JPT2: variants seen among roughly 807,000 people sequenced by gnomAD.
JPT2 encodes the protein Jupiter microtubule associated homolog 2, also known as CRAMP_1 like.
In JPT2, 9 loss-of-function variants were observed where a neutral mutation model predicts 15.9. That is an observed-to-expected ratio of 0.57 (90% CI 0.34 to 0.99). JPT2 has a LOEUF of 0.99. JPT2 is among the 50% of genes least tolerant of loss of function. The pLI is 0.02. For synonymous variants in JPT2, 95 were observed against 91.7 expected (o/e 1.04, Z -0.21); for missense variants, 267 against 252.1 (o/e 1.06, Z -0.40).
At chr16:1,683,838 A>G (rs1448484331) in intron 1 of JPT2, among the ~76,000 whole-genome samples, 3 of 152,124 alleles carry the variant, frequency 2.0e-5, no homozygotes, top group Admixed American at 2.0e-4. Context: ...ACCTCATATC[A>G]TAGTTTTTGT....
In JPT2 at chr16:1,699,513, T is replaced by C. The variant is rs1198413346; in HGVS notation, c.*515T>C. 1 of 322,162 alleles carries C rather than the reference T, an allele frequency of 3.1e-6. No individual in the cohort carries two copies. Among genetic ancestry groups the C allele is most frequent in the Non-Finnish European group, 6.2e-6 (1 of 161,184 alleles). 20.0% of individuals were successfully genotyped at this position (322,162 alleles called of 1,614,324 possible). A position where few individuals can be genotyped will look rare whatever the true frequency, so the allele number is the denominator to read the frequency against. On this transcript the variant is annotated 3_prime_UTR_variant, in exon 5 of 5. Coordinates refer to ENST00000248098, the MANE Select transcript of JPT2 (RefSeq NM_144570.3). ...CCCAGCATATTGTTCTGTAGTCTTT[T>C]CTTGAAACATCTTGATTGCTTTTCC...
intron 1 of JPT2, among the ~76,000 whole-genome samples, chr16:1,682,848 C>T (rs543167152): frequency 2.6e-5 from 4 of 152,194 alleles, no homozygotes; most frequent in East Asian, 3.9e-4. Context: ...CTCACTCTTT[C>T]GTCCAGGCTG....
chr16:1,690,727 C>G (rs147022015), intron 2 of JPT2, among the ~76,000 whole-genome samples: 3 of 152,324 alleles, frequency 2.0e-5, no homozygotes, highest in Non-Finnish European at 4.4e-5. Context: ...GAACACTTCC[C>G]CTTTTACATG....
chr16:1,691,281 C>T (rs768454629), intron 2 of JPT2, among the ~76,000 whole-genome samples: 1 of 152,144 alleles, frequency 6.6e-6, no homozygotes, highest in Non-Finnish European at 1.5e-5. Flanking sequence ...TATCAAGTCA[C>T]TTATAGTTGG....
chr16:1,692,730 T>G (rs2142227553), intron 3 of JPT2, among the ~76,000 whole-genome samples: 1 of 152,374 alleles, frequency 6.6e-6, no homozygotes, highest in African/African-American at 2.4e-5. Flanking sequence ...AGACCAGGAT[T>G]TATTACTAAC....
chr16:1,697,873 T>A lies in JPT2; in HGVS notation c.385+13T>A. On this transcript the variant is annotated intron_variant, in intron 4 of 4. Transcript: ENST00000248098. ...TCGGATCTTAAAGGTGAGCTTTTGT[T>A]TTCTTTCCCTTCTCCTGAGTGGCCT... 6.2e-7 allele frequency: 1 copy of A among 1,612,036 alleles called. No homozygotes were observed. Among genetic ancestry groups the A allele is most frequent in the Non-Finnish European group, 8.5e-7 (1 of 1,178,244 alleles).
chr16:1,688,878 CAT>C (rs2037085764), intron 2 of JPT2: 1 of 152,152 alleles, frequency 6.6e-6, no homozygotes, highest in Admixed American at 6.5e-5. Flanking sequence ...TGGTAATAGA[CAT>C]ATGTGGTATG....
At chr16:1,696,300 C>T (rs575122221) in intron 3 of JPT2, among the ~76,000 whole-genome samples, 1 of 152,048 alleles carries the variant, frequency 6.6e-6, no homozygotes, top group Non-Finnish European at 1.5e-5. Flanking sequence ...ATTTGGGAGG[C>T]TGAGGCAGGC....
rs2037173370 is a variant in JPT2 at position 1,700,426 on chromosome 16, C to T, written c.*1428C>T. 1 of 253,832 alleles carries T rather than the reference C, an allele frequency of 3.9e-6. No homozygotes were observed. Among genetic ancestry groups the T allele is most frequent in the Admixed American group, 4.0e-5 (1 of 24,922 alleles). The allele number at this position is 253,832 out of a possible 1,614,324, so 15.7% of individuals were successfully genotyped here. ...GCGGCAGCAGCTTTGCTCTGAGTGC[C>T]TACAAAGCTAATGCTTGGTGCTAGA... On this transcript the variant is annotated 3_prime_UTR_variant, in exon 5 of 5. Transcript: ENST00000248098.
At chr16:1,692,499 G>A (rs1326066245) in intron 3 of JPT2, 1 of 165,400 alleles carries the variant, frequency 6.0e-6, no homozygotes, top group Non-Finnish European at 1.4e-5. Context: ...AAGACAAGTG[G>A]CCTGGAAAGG....
In JPT2 at chr16:1,698,901, C is replaced by T; in HGVS notation, c.476C>T (p.Thr159Ile). 1 of 1,614,240 alleles carries T rather than the reference C, an allele frequency of 6.2e-7. No homozygotes were observed. The highest frequency in any genetic ancestry group is 1.3e-5 in the African/African-American group (1 of 75,080). ...GCCAAGGAGCAGGAGCCCATGCCCACAGTCGACAGCCATGAGCCCCGGCTG... is the reference window on the plus strand; with the variant it reads ...GCCAAGGAGCAGGAGCCCATGCCCATAGTCGACAGCCATGAGCCCCGGCTG... Reference protein sequence around the residue: ...GPAKEQEPMPTVDSHEPRLGP... With the variant: ...GPAKEQEPMPIVDSHEPRLGP... Residue 159 changes from threonine to isoleucine, a missense_variant, in exon 5 of 5, where the codon ACA becomes ATA. Thr to Ile is a moderately conservative substitution (Grantham distance 89). Transcript: ENST00000248098. This position sits in a 1 kb window ranked among gnomAD's most constrained non-coding sequence, Gnocchi z 4.9.
chr16:1,685,581 C>T lies in JPT2; in HGVS notation c.187C>T (p.Pro63Ser), dbSNP rs745829023. ...EPQNIPKRTN[P>S]PGGKGSGIFD... ...TCAGAACATACCCAAGAGGACAAAT[C>T]CCCCAGGTATGGGCCTTTGGAAATC... The change falls in exon 2 of 5, where the codon CCC (proline) becomes TCC (serine). Residue 63 changes from proline (P) to serine (S), a missense_variant. Pro to Ser is a moderately conservative substitution (Grantham distance 74). Transcript: ENST00000248098. 5 of 1,613,622 alleles carry T rather than the reference C, an allele frequency of 3.1e-6. No individual in the cohort carries two copies. Among genetic ancestry groups the T allele is most frequent in the Non-Finnish European group, 4.2e-6 (5 of 1,179,816 alleles).
In JPT2 at chr16:1,679,183, C is replaced by G. The variant is rs527762352; in HGVS notation, c.44+827C>G. Among the ~76,000 whole-genome samples the G allele has an allele frequency of 8.5e-5, 13 of 152,310 alleles. No individual in the cohort carries two copies. The East Asian group carries it at 2.5e-3, about 29-fold the overall frequency. Reference sequence around the variant, plus strand: ...TCGTGCCACTTGAGCAGTAAACTTGCATTGTGAAGTTTGGGTCTTCAGATG... The same window carrying G: ...TCGTGCCACTTGAGCAGTAAACTTGGATTGTGAAGTTTGGGTCTTCAGATG... On this transcript the variant is annotated intron_variant, in intron 1 of 4. Coordinates refer to ENST00000248098, the MANE Select transcript of JPT2 (RefSeq NM_144570.3).
intron 3 of JPT2, among the ~76,000 whole-genome samples, chr16:1,697,096 C>A (rs1288022586): frequency 1.3e-5 from 2 of 152,194 alleles, no homozygotes; most frequent in Non-Finnish European, 2.9e-5. Context: ...TGTGGTCTGT[C>A]CATACAATGG....
chr16:1,692,042 C>G (rs753491298), intron 3 of JPT2, 57 bp downstream of exon 3: 92 of 1,593,326 alleles, frequency 5.8e-5, no homozygotes, highest in Non-Finnish European at 7.4e-5. Context: ...GTGCTCTTTC[C>G]AAAAAGGCTC....
At chr16:1,683,185 C>G (rs569331378) in intron 1 of JPT2, among the ~76,000 whole-genome samples, 1 of 152,118 alleles carries the variant, frequency 6.6e-6, no homozygotes, top group African/African-American at 2.4e-5. Context: ...ACCGTGTTAG[C>G]CAGGATGGTC....
intron 1 of JPT2, chr16:1,680,211 A>C: frequency 2.1e-6 from 1 of 477,410 alleles, no homozygotes; most frequent in South Asian, 8.4e-5. Flanking sequence ...GGGGGGAGGG[A>C]CTGCATCCCC....
At chr16:1,688,282 A>T (rs1171589516) in intron 2 of JPT2, 1 of 152,182 alleles carries the variant, frequency 6.6e-6, no homozygotes, top group Non-Finnish European at 1.5e-5. Flanking sequence ...TAGCAGAACT[A>T]GTCCGTAGCA....
At chr16:1,684,189 C>T (rs576269865) in intron 1 of JPT2, among the ~76,000 whole-genome samples, 21 of 152,236 alleles carry the variant, frequency 1.4e-4, no homozygotes, top group African/African-American at 4.6e-4. Context: ...AAGCAGAGCC[C>T]GTGGATACAG....
Sources: allele counts gnomAD v4.1 joint callset (sites outside exome capture counted in the v4.1 genomes callset), GRCh38; gene constraint gnomAD v4.1.1; non-coding constraint Gnocchi (gnomAD v3.1); transcripts MANE v1.5; gene names NCBI Gene and HGNC (gene_info 2026-07-23, HGNC 2026-07-21).